ZNF385B: variants seen among roughly 807,000 people sequenced by gnomAD.
ZNF385B encodes the protein zinc finger protein 385B.
Under a neutral mutation model 39.2 loss-of-function variants are expected in ZNF385B, and 23 were observed. The observed-to-expected ratio is 0.59, with a 90% CI of 0.42 to 0.83. The LOEUF is 0.83. Ranked by LOEUF, ZNF385B falls within the 40% of genes least tolerant of loss-of-function variation. ZNF385B has a pLI of 0.00. For synonymous variants in ZNF385B, 205 were observed against 222.6 expected (o/e 0.92, Z 0.70); for missense variants, 552 against 598.9 (o/e 0.92, Z 0.82).
intron 1 of ZNF385B, among the ~76,000 whole-genome samples, chr2:179,798,054 C>T (rs1002194376): frequency 5.9e-5 from 9 of 152,092 alleles, no homozygotes; most frequent in Admixed American, 1.3e-4. Context: ...CCACTAGAAT[C>T]TTCCACAGGT....
intron 3 of ZNF385B, among the ~76,000 whole-genome samples, chr2:179,745,196 A>C (rs1702307087): frequency 6.6e-6 from 1 of 152,090 alleles, no homozygotes; most frequent in South Asian, 2.1e-4. Flanking sequence ...CATAACTTTT[A>C]ATTATTAATA....
At chr2:179,655,777 A>G (rs917134687) in intron 3 of ZNF385B, among the ~76,000 whole-genome samples, 2 of 152,192 alleles carry the variant, frequency 1.3e-5, no homozygotes, top group Non-Finnish European at 2.9e-5. Context: ...TCTAAAGGCA[A>G]ATATGTTTAC....
At chr2:179,689,477 G>A (rs959037709) in intron 3 of ZNF385B, among the ~76,000 whole-genome samples, 3 of 152,146 alleles carry the variant, frequency 2.0e-5, no homozygotes, top group African/African-American at 2.4e-5. Flanking sequence ...GCAGAGCAGC[G>A]CATGGAGGGA....
chr2:179,795,429 G>A (rs1705598742), intron 1 of ZNF385B, among the ~76,000 whole-genome samples: 1 of 152,124 alleles, frequency 6.6e-6, no homozygotes, highest in Non-Finnish European at 1.5e-5. Context: ...ACTGTGGTGG[G>A]GAGTTTTGTA....
chr2:179,655,039 T>A (rs1693593516), intron 3 of ZNF385B, among the ~76,000 whole-genome samples: 1 of 152,208 alleles, frequency 6.6e-6, no homozygotes. Flanking sequence ...TTGTCTACCC[T>A]GGAAAACTCT....
chr2:179,453,001 C>T (rs1378779780), intron 6 of ZNF385B, among the ~76,000 whole-genome samples: 2 of 152,082 alleles, frequency 1.3e-5, no homozygotes, highest in Non-Finnish European at 2.9e-5. Flanking sequence ...TTTTGGTATA[C>T]ATTACTCTAC....
intron 6 of ZNF385B, among the ~76,000 whole-genome samples, chr2:179,450,372 C>A (rs943705233): frequency 5.3e-5 from 8 of 152,148 alleles, no homozygotes; most frequent in African/African-American, 1.2e-4. Flanking sequence ...GGGCTAATAT[C>A]CAGAATCTAC....
At chr2:179,537,303 CA>C (rs34677912) in intron 4 of ZNF385B, among the ~76,000 whole-genome samples, 52,058 of 103,120 alleles carry the variant, frequency 0.5, 9,899 homozygotes, top group Admixed American at 0.6. Context: ...ACCTCTGTCT[CA>C]AAAAAAAAAA....
chr2:179,770,724 T>C (rs1347558809), intron 1 of ZNF385B, 52 bp from the exon 2 acceptor site: 1 of 152,208 alleles, frequency 6.6e-6, no homozygotes, highest in Non-Finnish European at 1.5e-5. Flanking sequence ...TGAAAAGGAA[T>C]GAAATAGAAT....
At position 179,769,580 on chromosome 2, in the gene ZNF385B, C is replaced by T. The variant is rs763273080; in HGVS notation, c.221G>A (p.Arg74His). 17 of 1,614,026 alleles carry T rather than the reference C, an allele frequency of 1.1e-5. No homozygotes were observed. Among genetic ancestry groups the T allele is most frequent in the African/African-American group, 8.0e-5 (6 of 74,898 alleles). ...ATCACTCAGCTGCTTCACTCGTTTG[C>T]GGTGGGATTTGCCGTTGGAATGCAC... ...AQVHSNGKSH[R>H]KRVKQLSDGQ... The change falls in exon 3 of 10, where the codon CGC (arginine) becomes CAC (histidine). Residue 74 changes from arginine to histidine, a missense_variant. Coordinates refer to ENST00000410066, the MANE Select transcript of ZNF385B (RefSeq NM_152520.6).
At chr2:179,493,584 TGTACATATATGCGTATACATATATGTAC>T (rs1258487894) in intron 5 of ZNF385B, among the ~76,000 whole-genome samples, 1 of 124,670 alleles carries the variant, frequency 8.0e-6, no homozygotes, top group Non-Finnish European at 1.8e-5. Flanking sequence ...TATGTGTATG[TGTACATATATGCGTATACATATATGTAC>T]GTACATATAT....
chr2:179,657,234 A>C (rs527694155), intron 3 of ZNF385B, among the ~76,000 whole-genome samples: 1 of 152,310 alleles, frequency 6.6e-6, no homozygotes, highest in Admixed American at 6.5e-5. Context: ...ATGAACAAGA[A>C]AACTTAGTCA....
intron 3 of ZNF385B, among the ~76,000 whole-genome samples, chr2:179,724,748 T>C (rs1471316410): frequency 1.3e-5 from 2 of 152,212 alleles, no homozygotes; most frequent in Admixed American, 6.5e-5. Flanking sequence ...TAGAGGTTGA[T>C]AATTATTTTG....
intron 1 of ZNF385B, among the ~76,000 whole-genome samples, chr2:179,779,300 C>T (rs778120347): frequency 1.4e-4 from 21 of 152,236 alleles, no homozygotes; most frequent in South Asian, 2.1e-4. Context: ...GGAAGCAAGA[C>T]GAAAGATGGC....
chr2:179,551,968 C>T lies in ZNF385B; in HGVS notation c.299-6999G>A, dbSNP rs180685962. Among the ~76,000 whole-genome samples the T allele has an allele frequency of 2.2e-4, 30 of 133,584 alleles. 6 individuals are homozygous for T. The highest frequency in any genetic ancestry group is 9.5e-4 in the African/African-American group (30 of 31,728). 87.6% of individuals were successfully genotyped at this position (133,584 alleles called of 152,430 possible). ...AGAATGTAATTAAATTTCTTGCATA[C>T]ATTTCACTTTGATGGTAAAATACAA... On this transcript the variant is annotated intron_variant, in intron 3 of 9. Transcript: ENST00000410066.
chr2:179,754,154 T>C (rs1200847968), intron 3 of ZNF385B, among the ~76,000 whole-genome samples: 1 of 152,214 alleles, frequency 6.6e-6, no homozygotes, highest in Non-Finnish European at 1.5e-5. Flanking sequence ...GGCTGTCGAA[T>C]TTTGTCAAAG....
intron 3 of ZNF385B, among the ~76,000 whole-genome samples, chr2:179,702,595 T>C (rs1699291790): frequency 6.6e-6 from 1 of 152,204 alleles, no homozygotes; most frequent in African/African-American, 2.4e-5. Flanking sequence ...GGGTATTGTA[T>C]GTGATATGCT....
chr2:179,469,430 G>A (rs976036470), intron 6 of ZNF385B, among the ~76,000 whole-genome samples: 3 of 152,252 alleles, frequency 2.0e-5, no homozygotes, highest in East Asian at 1.9e-4. Context: ...GACTTGCCCC[G>A]AATTCTTTCT....
intron 4 of ZNF385B, among the ~76,000 whole-genome samples, chr2:179,531,234 TAA>T (rs2059230781): frequency 6.6e-6 from 1 of 152,238 alleles, no homozygotes; most frequent in African/African-American, 2.4e-5. Context: ...GATGTCCAGT[TAA>T]AGTGGAATTT....
Sources: gnomAD v4.1 joint callset for allele counts (sites outside exome capture counted in the v4.1 genomes callset) on GRCh38, gnomAD v4.1.1 for gene constraint, MANE v1.5 for transcripts, NCBI Gene and HGNC (gene_info 2026-07-23, HGNC 2026-07-21) for gene names.